Variants in MOGAT1 observed in about 807,000 individuals in gnomAD.
MOGAT1 encodes the protein 2-acylglycerol O-acyltransferase 1.
A neutral mutation model predicts 31.4 loss-of-function variants in MOGAT1; 32 were observed. The ratio of observed to expected loss-of-function variants is 1.02; its 90% CI spans 0.77 to 1.37. The LOEUF (loss-of-function observed/expected upper bound fraction) is 1.37. Ranked by LOEUF, MOGAT1 falls within the 40% of genes most tolerant of loss-of-function variation. The pLI is 0.00. For missense variants in MOGAT1, 426 were observed against 402.0 expected (o/e 1.06, Z -0.51); for synonymous variants, 145 against 144.5 (o/e 1.00, Z -0.03).
At chr2:222,685,275 G>A (rs1692646536) in intron 1 of MOGAT1, among the ~76,000 whole-genome samples, 1 of 152,144 alleles carries the variant, frequency 6.6e-6, no homozygotes, top group Non-Finnish European at 1.5e-5. Context: ...TATAACAGTG[G>A]CTCACATTTG....
In MOGAT1 at chr2:222,698,118, T is replaced by C. The variant is rs61444940; in HGVS notation, c.853+2830T>C. ...ATAGACATAGCAGATGGGGTTTTAG[T>C]GAGAGACTGGAAAATGAATAGCATG... On this transcript the variant is annotated intron_variant, in intron 5 of 5. Transcript: ENST00000446656. Among the ~76,000 whole-genome samples, 516 of 151,834 alleles carry C rather than the reference T, an allele frequency of 3.4e-3. 3 individuals are homozygous for C. Among genetic ancestry groups the C allele is most frequent in the African/African-American group, 0.012 (492 of 41,346 alleles).
chr2:222,672,654 GAAACAT>G (rs1692437797), intron 1 of MOGAT1, among the ~76,000 whole-genome samples: 1 of 152,086 alleles, frequency 6.6e-6, no homozygotes, highest in East Asian at 1.9e-4. Context: ...CCCTTCTATT[GAAACAT>G]AAACTCTTCT....
At chr2:222,682,398 A>G (rs1417077393) in intron 1 of MOGAT1, among the ~76,000 whole-genome samples, 1 of 152,078 alleles carries the variant, frequency 6.6e-6, no homozygotes, top group African/African-American at 2.4e-5. Flanking sequence ...TCTACCTTTA[A>G]TTTGTTTTTA....
intron 4 of MOGAT1, among the ~76,000 whole-genome samples, chr2:222,694,746 C>A (rs1692816252): frequency 6.6e-6 from 1 of 152,174 alleles, no homozygotes; most frequent in African/African-American, 2.4e-5. Context: ...AAACTTAACT[C>A]TAAAAGCAAA....
chr2:222,699,625 T>G (rs1292118787), intron 5 of MOGAT1: 1 of 151,198 alleles, frequency 6.6e-6, no homozygotes, highest in East Asian at 1.9e-4. Flanking sequence ...GCCTCTTGAG[T>G]AGCTGCGACT....
rs1156995245 is a variant in MOGAT1 at position 222,671,826 on chromosome 2, G to T, written c.41G>T (p.Arg14Leu). Residue 14 changes from arginine to leucine, a missense_variant, in exon 1 of 6, where the codon CGG becomes CTG. By Grantham distance (102) the Arg-to-Leu change is moderately radical. Transcript: ENST00000446656. ...GCACCGCTCAACATCCAGCTGGCGCGGCGGCTGCAGACGGTGGCCGTGCTG... is the reference window on the plus strand; with the variant it reads ...GCACCGCTCAACATCCAGCTGGCGCTGCGGCTGCAGACGGTGGCCGTGCTG... ...EFAPLNIQLARRLQTVAVLQW... is the reference protein window; with the variant it reads ...EFAPLNIQLALRLQTVAVLQW... 3 of 1,553,848 alleles carry T rather than the reference G, an allele frequency of 1.9e-6. No homozygotes were observed. In the Admixed American group the frequency reaches 5.9e-5, roughly 30 times the overall value.
chr2:222,679,595 A>G (rs1049722528), intron 1 of MOGAT1, among the ~76,000 whole-genome samples: 2 of 152,236 alleles, frequency 1.3e-5, no homozygotes, highest in African/African-American at 4.8e-5. Flanking sequence ...AAAAATAACA[A>G]TACAATACTA....
intron 5 of MOGAT1, among the ~76,000 whole-genome samples, chr2:222,695,690 T>C (rs1199607504): frequency 6.6e-6 from 1 of 152,204 alleles, no homozygotes; most frequent in Non-Finnish European, 1.5e-5. Flanking sequence ...CACATAAGCA[T>C]CAGTTTCTAT....
intron 2 of MOGAT1, 34 bp downstream of exon 2, chr2:222,688,556 A>G (rs778864540): frequency 1.0e-5 from 15 of 1,488,758 alleles, no homozygotes; most frequent in Admixed American, 2.1e-5. Context: ...TATTATTTTG[A>G]TTTAGGAGAA....
At chr2:222,693,769 G>A (rs776968721) in intron 3 of MOGAT1, among the ~76,000 whole-genome samples, 6 of 152,108 alleles carry the variant, frequency 3.9e-5, no homozygotes, top group East Asian at 3.9e-4. Context: ...TCCCTTCCAC[G>A]ACATGAAGGA....
At chr2:222,700,424 C>T (rs184118048) in intron 5 of MOGAT1, among the ~76,000 whole-genome samples, 1 of 152,354 alleles carries the variant, frequency 6.6e-6, no homozygotes, top group Admixed American at 6.5e-5. Flanking sequence ...TTCTCTTAAA[C>T]ATTCAGAAAG....
intron 5 of MOGAT1, among the ~76,000 whole-genome samples, chr2:222,706,182 T>G (rs1693001445): frequency 1.3e-5 from 2 of 152,280 alleles, no homozygotes; most frequent in Non-Finnish European, 2.9e-5. Flanking sequence ...TGATTATAAA[T>G]TCACTCTAGG....
chr2:222,679,393 A>G (rs73993410), intron 1 of MOGAT1, among the ~76,000 whole-genome samples: 6,088 of 152,214 alleles, frequency 0.04, 182 homozygotes, highest in African/African-American at 0.08. Flanking sequence ...TATCAGTTCC[A>G]TATGCATTTT....
intron 1 of MOGAT1, among the ~76,000 whole-genome samples, chr2:222,672,889 T>TTGTTTATTA (rs1553560983): frequency 7.2e-6 from 1 of 139,224 alleles, no homozygotes; most frequent in African/African-American, 2.7e-5. Flanking sequence ...CTGGAATTTG[T>TTGTTTATTA]TTATTATTAT....
chr2:222,680,558 C>A (rs888597043), intron 1 of MOGAT1, among the ~76,000 whole-genome samples: 2 of 152,082 alleles, frequency 1.3e-5, no homozygotes, highest in Non-Finnish European at 2.9e-5. Flanking sequence ...GAGGCAAGTT[C>A]TCTTAAAATA....
At chr2:222,705,095 G>A (rs1232613837) in intron 5 of MOGAT1, among the ~76,000 whole-genome samples, 1 of 152,170 alleles carries the variant, frequency 6.6e-6, no homozygotes, top group Admixed American at 6.5e-5. Flanking sequence ...GATTACTTAT[G>A]CTTCCCCTTT....
At chr2:222,674,098 A>G (rs955815109) in intron 1 of MOGAT1, among the ~76,000 whole-genome samples, 8 of 152,222 alleles carry the variant, frequency 5.3e-5, no homozygotes, top group Non-Finnish European at 1.0e-4. Flanking sequence ...ACTCAAGATC[A>G]CATGGCCCAG....
chr2:222,674,692 T>C (rs1452309714), intron 1 of MOGAT1, among the ~76,000 whole-genome samples: 2 of 152,238 alleles, frequency 1.3e-5, no homozygotes, highest in Non-Finnish European at 2.9e-5. Context: ...CTAAATACTT[T>C]AGTTTGCATA....
At chr2:222,676,333 G>A (rs1199276446) in intron 1 of MOGAT1, among the ~76,000 whole-genome samples, 1 of 151,956 alleles carries the variant, frequency 6.6e-6, no homozygotes, top group Non-Finnish European at 1.5e-5. Flanking sequence ...GCATTTTCTA[G>A]AGTTTTGTAT....
Sources: allele counts gnomAD v4.1 joint callset (sites outside exome capture counted in the v4.1 genomes callset), GRCh38; gene constraint gnomAD v4.1.1; transcripts MANE v1.5; gene names NCBI Gene and HGNC (gene_info 2026-07-23, HGNC 2026-07-21).